Variants in DNAH9 observed in about 807,000 individuals in gnomAD.
The protein encoded by DNAH9 is DNAH9 variant protein.
DNAH9 carries 345 observed loss-of-function variants against 471.6 expected under a neutral mutation model. The observed-to-expected ratio is 0.73, with a 90% confidence interval of 0.67 to 0.80. DNAH9 has a LOEUF of 0.80. DNAH9 is among the 30% of genes least tolerant of loss of function. DNAH9 has a pLI of 0.00. For missense variants in DNAH9, 5,407 were observed against 5,609.2 expected (o/e 0.96, Z 1.15); for synonymous variants, 2,093 against 2,123.6 (o/e 0.99, Z 0.40).
At chr17:11,698,187 T>TTAATTATATATA (rs2074515993) in intron 22 of DNAH9, among the ~76,000 whole-genome samples, 1 of 16,410 alleles carries the variant, frequency 6.1e-5, no homozygotes, top group Admixed American at 9.8e-4. Context: ...TATTATTATA[T>TTAATTATATATA]TAATATAATA....
intron 66 of DNAH9, among the ~76,000 whole-genome samples, chr17:11,939,900 A>G (rs1303534746): frequency 2.0e-5 from 3 of 151,692 alleles, no homozygotes; most frequent in African/African-American, 7.3e-5. Flanking sequence ...GGATGGATGG[A>G]TGGGTGATGG....
chr17:11,725,349 G>A (rs1489730473), intron 27 of DNAH9, among the ~76,000 whole-genome samples: 2 of 152,136 alleles, frequency 1.3e-5, no homozygotes, highest in African/African-American at 4.8e-5. Context: ...CTTTATCACT[G>A]TCTGATTTGT....
chr17:11,711,584 T>C (rs2074827800), intron 26 of DNAH9, among the ~76,000 whole-genome samples: 1 of 152,030 alleles, frequency 6.6e-6, no homozygotes, highest in Admixed American at 6.6e-5. Context: ...GGTAAAGCTC[T>C]GCATCATCTA....
intron 68 of DNAH9, among the ~76,000 whole-genome samples, chr17:11,967,224 A>C (rs1597910687): frequency 6.6e-6 from 1 of 151,816 alleles, no homozygotes; most frequent in African/African-American, 2.4e-5. Context: ...CTCTTGCCTC[A>C]GTTCCCAAGT....
Position 11,937,419 on chromosome 17 carries a change from G to A in DNAH9, c.12557G>A (p.Gly4186Asp), listed in dbSNP as rs1399563757. 1.2e-6 allele frequency: 2 copies of A among 1,614,076 alleles called. No individual in the cohort carries two copies. The highest frequency in any genetic ancestry group is 1.3e-5 in the African/African-American group (1 of 75,030). Residue 4186 changes from glycine to aspartate, a missense_variant, in exon 66 of 69, where the codon GGC becomes GAC. By Grantham distance (94) the Gly-to-Asp change is moderately conservative. Transcript: ENST00000262442. The surrounding 1 kb of genome is among the most constrained non-coding windows in gnomAD (Gnocchi z 4.1). ...LYGLHPNAEIGFLTQTSEKLF... is the reference protein window; with the variant it reads ...LYGLHPNAEIDFLTQTSEKLF... Reference sequence around the variant, plus strand: ...GGCCTCCACCCGAACGCAGAGATTGGCTTCCTGACCCAAACCTCAGAAAAG... The same window carrying A: ...GGCCTCCACCCGAACGCAGAGATTGACTTCCTGACCCAAACCTCAGAAAAG...
At chr17:11,611,362 C>T (rs1385005463) in intron 3 of DNAH9, among the ~76,000 whole-genome samples, 2 of 152,250 alleles carry the variant, frequency 1.3e-5, no homozygotes, top group Non-Finnish European at 2.9e-5. Context: ...CTCACCCTGA[C>T]TCAACCTTAC....
chr17:11,771,526 C>T (rs953462624), intron 38 of DNAH9, among the ~76,000 whole-genome samples: 7 of 152,212 alleles, frequency 4.6e-5, no homozygotes, highest in African/African-American at 7.2e-5. Context: ...TTAGTCCTTA[C>T]TCCATGAAGC....
intron 20 of DNAH9, among the ~76,000 whole-genome samples, chr17:11,691,537 G>A (rs981339919): frequency 1.3e-5 from 2 of 152,136 alleles, no homozygotes; most frequent in Non-Finnish European, 2.9e-5. Flanking sequence ...ATTTGAAAAC[G>A]TAATAAAATC....
intron 66 of DNAH9, among the ~76,000 whole-genome samples, chr17:11,939,807 C>CGTGG (rs377684192): frequency 6.8e-6 from 1 of 147,172 alleles, no homozygotes; most frequent in Non-Finnish European, 1.5e-5. Context: ...ATGTTAGATA[C>CGTGG]ATGGATGGAT....
intron 61 of DNAH9, among the ~76,000 whole-genome samples, chr17:11,909,349 C>T (rs1262303520): frequency 6.6e-6 from 1 of 152,178 alleles, no homozygotes; most frequent in Admixed American, 6.5e-5. Context: ...ACCAAGCCAA[C>T]ATCCCCACTG....
At chr17:11,733,008 A>G (rs2075292713) in intron 28 of DNAH9, among the ~76,000 whole-genome samples, 1 of 152,182 alleles carries the variant, frequency 6.6e-6, no homozygotes, top group Non-Finnish European at 1.5e-5. Flanking sequence ...CCCATGTAAC[A>G]CCCTTTAAAG....
intron 39 of DNAH9, among the ~76,000 whole-genome samples, chr17:11,783,203 G>A (rs918851780): frequency 2.6e-5 from 4 of 152,146 alleles, no homozygotes; most frequent in African/African-American, 9.7e-5. Flanking sequence ...CTAGTGATAA[G>A]TGGAAAAGAG....
intron 28 of DNAH9, 55 bp from the exon 29 acceptor site, chr17:11,738,825 A>T: frequency 6.6e-7 from 1 of 1,520,302 alleles, no homozygotes; most frequent in East Asian, 2.3e-5. Context: ...TTTAGTTATG[A>T]TCCCTCCACT....
rs76384249 is a variant in DNAH9 at position 11,898,669 on chromosome 17, G to A, written c.11407-4050G>A. Among the ~76,000 whole-genome samples, 1,044 of 152,260 alleles carry A rather than the reference G, an allele frequency of 6.9e-3. 17 individuals carry two copies. Among genetic ancestry groups the A allele is most frequent in the African/African-American group, 0.024 (1,000 of 41,548 alleles). On this transcript the variant is annotated intron_variant, in intron 59 of 68. Coordinates refer to ENST00000262442, the MANE Select transcript of DNAH9 (RefSeq NM_001372.4). Reference sequence around the variant, plus strand: ...ATATGGATTGTACTGCATAGAATTTGTCCAAAGAAGGAAAAACTTTCAGGA... The same window carrying A: ...ATATGGATTGTACTGCATAGAATTTATCCAAAGAAGGAAAAACTTTCAGGA...
chr17:11,921,088 G>A (rs753724153), intron 61 of DNAH9, among the ~76,000 whole-genome samples: 3 of 151,766 alleles, frequency 2.0e-5, no homozygotes, highest in Non-Finnish European at 4.4e-5. Flanking sequence ...CTGCAGTGAG[G>A]TGAGATCGTA....
At chr17:11,759,506 T>G (rs1967559077) in intron 35 of DNAH9, among the ~76,000 whole-genome samples, 2 of 150,126 alleles carry the variant, frequency 1.3e-5, no homozygotes, top group African/African-American at 4.9e-5. Context: ...CATAGGTATA[T>G]ATACACACCA....
At chr17:11,674,352 C>T (rs979267202) in intron 17 of DNAH9, among the ~76,000 whole-genome samples, 5 of 152,200 alleles carry the variant, frequency 3.3e-5, no homozygotes, top group Non-Finnish European at 5.9e-5. Context: ...ATCCTCCCCA[C>T]CTCTTAGTAT....
intron 11 of DNAH9, among the ~76,000 whole-genome samples, 186 bp from the exon 12 acceptor site, chr17:11,646,886 A>G (rs766893251): frequency 3.9e-5 from 6 of 152,198 alleles, no homozygotes; most frequent in Non-Finnish European, 7.3e-5. Context: ...GCACTCCAGC[A>G]TGGGCAACAA....
chr17:11,748,202 C>A (rs1966980463), intron 32 of DNAH9, among the ~76,000 whole-genome samples: 1 of 145,734 alleles, frequency 6.9e-6, no homozygotes, highest in Non-Finnish European at 1.5e-5. Context: ...TGGTGCACAT[C>A]TGTAGTCCCA....
Sources: gnomAD v4.1 joint callset for allele counts (sites outside exome capture counted in the v4.1 genomes callset) on GRCh38, gnomAD v4.1.1 for gene constraint, Gnocchi (gnomAD v3.1) non-coding constraint, MANE v1.5 for transcripts, NCBI Gene and HGNC (gene_info 2026-07-23, HGNC 2026-07-21) for gene names.